Variants in DMD observed in about 807,000 individuals in gnomAD.
The protein encoded by DMD is dystrophin.
A neutral mutation model predicts 330.1 loss-of-function variants in DMD; 63 were observed. The observed-to-expected ratio is 0.19, with a 90% confidence interval of 0.16 to 0.24. The LOEUF (loss-of-function observed/expected upper bound fraction) is 0.24. DMD is among the 10% of genes least tolerant of loss of function. The pLI is 1.00. For missense variants in DMD, 3,344 were observed against 2,684.1 expected (o/e 1.25, Z -5.43); for synonymous variants, 1,223 against 959.8 (o/e 1.27, Z -5.07).
At chrX:31,846,769 T>C (rs761876460) in intron 48 of DMD, among the ~76,000 whole-genome samples, 8 of 111,517 alleles carry the variant, frequency 7.2e-5, no homozygotes, top group African/African-American at 2.6e-4. Flanking sequence ...CCATAAATAG[T>C]TCCAAAAATC....
rs189691483 is a variant in DMD, at chrX:32,681,219, T to A, written c.960+16651A>T. Among the ~76,000 whole-genome samples, 3 of 111,692 alleles carry A rather than the reference T, an allele frequency of 2.7e-5. No homozygotes were observed. In the Admixed American group the frequency reaches 2.9e-4, roughly 11 times the overall value. ...TATCTAAGCCTCGTAAAAAGCTCTG[T>A]TCAAGATGAACTTACTCTATGGAAA... On this transcript the variant is annotated intron_variant, in intron 9 of 78. Coordinates refer to ENST00000357033, the MANE Select transcript of DMD (RefSeq NM_004006.3).
chrX:32,918,502 C>G, intron 2 of DMD, among the ~76,000 whole-genome samples: 1 of 110,823 alleles, frequency 9.0e-6, no homozygotes, highest in East Asian at 2.9e-4. Flanking sequence ...AGGTGCCCAC[C>G]ACCACACACA....
At position 32,212,601 on chromosome X, in the gene DMD, C is replaced by T. The variant is rs1045145253; in HGVS notation, c.6438+4315G>A. On this transcript the variant is annotated intron_variant, in intron 44 of 78. Coordinates refer to ENST00000357033, the MANE Select transcript of DMD (RefSeq NM_004006.3). Reference sequence around the variant, plus strand: ...CTGAGTCCAGCATTTAACCACTTAACCCCCTTTCTAAACTTCTATTAGAGC... The same window carrying T: ...CTGAGTCCAGCATTTAACCACTTAATCCCCTTTCTAAACTTCTATTAGAGC... Among the ~76,000 whole-genome samples, 34 of 111,879 alleles carry T rather than the reference C, an allele frequency of 3.0e-4. No individual in the cohort carries two copies. The Admixed American group carries it at 3.1e-3, about 10-fold the overall frequency.
intron 11 of DMD, among the ~76,000 whole-genome samples, chrX:32,629,231 C>A (rs752982936): frequency 9.0e-6 from 1 of 111,480 alleles, no homozygotes; most frequent in East Asian, 2.8e-4. Context: ...ATTGTTATGT[C>A]CTCTTGCTGA....
intron 1 of DMD, among the ~76,000 whole-genome samples, chrX:33,048,998 C>A (rs1290268659): frequency 1.8e-5 from 2 of 111,482 alleles, no homozygotes; most frequent in Non-Finnish European, 3.8e-5. Flanking sequence ...TATGGACTCA[C>A]TGAACCTCAG....
At chrX:32,663,743 G>A (rs1035578375) in intron 9 of DMD, among the ~76,000 whole-genome samples, 1 of 111,880 alleles carries the variant, frequency 8.9e-6, no homozygotes, top group Admixed American at 9.5e-5. Context: ...ATAGAAGGAT[G>A]TAAGTGTTAT....
At chrX:31,616,388 T>G (rs1402072579) in intron 55 of DMD, among the ~76,000 whole-genome samples, 1 of 111,766 alleles carries the variant, frequency 8.9e-6, no homozygotes, top group African/African-American at 3.3e-5. Context: ...GTAAGCTGGC[T>G]AGCTGTTCAT....
At chrX:32,882,409 C>T (rs1412714141) in intron 2 of DMD, among the ~76,000 whole-genome samples, 2 of 112,259 alleles carry the variant, frequency 1.8e-5, no homozygotes, top group Admixed American at 9.5e-5. Context: ...TGGTTTCTGT[C>T]TGTTAACTGA....
At chrX:31,973,554 C>T (rs2095415017) in intron 44 of DMD, among the ~76,000 whole-genome samples, 1 of 110,764 alleles carries the variant, frequency 9.0e-6, no homozygotes, top group South Asian at 3.8e-4. Flanking sequence ...CCACTGCCTT[C>T]TCGGCTCCGT....
intron 43 of DMD, among the ~76,000 whole-genome samples, chrX:32,233,979 A>G (rs2097178821): frequency 9.0e-6 from 1 of 110,974 alleles, no homozygotes; most frequent in Non-Finnish European, 1.9e-5. Context: ...ATATATATGT[A>G]AGCTATACTT....
intron 17 of DMD, among the ~76,000 whole-genome samples, chrX:32,519,646 C>A (rs1174426710): frequency 8.9e-6 from 1 of 111,789 alleles, no homozygotes; most frequent in Non-Finnish European, 1.9e-5. Context: ...CATTGCAATT[C>A]AATTGACTTA....
chrX:31,717,452 C>T (rs1412731100), intron 52 of DMD, among the ~76,000 whole-genome samples: 1 of 112,091 alleles, frequency 8.9e-6, no homozygotes, highest in Non-Finnish European at 1.9e-5. Flanking sequence ...ACATAACCTG[C>T]TGTCCTAAAA....
intron 1 of DMD, among the ~76,000 whole-genome samples, chrX:33,289,123 T>C (rs771703509): frequency 8.9e-6 from 1 of 111,791 alleles, no homozygotes; most frequent in Non-Finnish European, 1.9e-5. Flanking sequence ...AAAAAAATCT[T>C]CATTTAAGAA....
chrX:32,274,656 C>T (rs143582145), intron 43 of DMD, among the ~76,000 whole-genome samples: 1,236 of 111,954 alleles, frequency 0.011, 50 homozygotes, highest in Admixed American at 0.087. Context: ...TCTTTCACCA[C>T]CTGCTCTTAA....
chrX:32,623,772 C>A (rs1314381375), intron 11 of DMD, among the ~76,000 whole-genome samples: 2 of 111,036 alleles, frequency 1.8e-5, no homozygotes, highest in African/African-American at 6.6e-5. Context: ...AGCTATCCTC[C>A]TGCCTCGACC....
chrX:31,210,784 T>C (rs1206376621), intron 64 of DMD, among the ~76,000 whole-genome samples: 1 of 112,643 alleles, frequency 8.9e-6, no homozygotes, highest in Non-Finnish European at 1.9e-5. Flanking sequence ...CTTAAGGCTT[T>C]AGTATATTTT....
chrX:32,057,398 T>C (rs780299392), intron 44 of DMD, among the ~76,000 whole-genome samples: 1 of 110,966 alleles, frequency 9.0e-6, no homozygotes, highest in South Asian at 3.9e-4. Flanking sequence ...GAGACATGGT[T>C]AGAACCAATA....
intron 30 of DMD, among the ~76,000 whole-genome samples, chrX:32,402,472 T>C (rs2098091522): frequency 9.0e-6 from 1 of 111,100 alleles, no homozygotes; most frequent in Non-Finnish European, 1.9e-5. Flanking sequence ...AACCTGTGTG[T>C]CCATTTTCAT....
chrX:31,126,828 A>G, intron 77 of DMD, 155 bp from the exon 78 acceptor site: 1 of 471,824 alleles, frequency 2.1e-6, no homozygotes, highest in Non-Finnish European at 3.7e-6. Context: ...AAAAAAACAG[A>G]AACAAAAAAC....
Sources: gnomAD v4.1 joint callset for allele counts (sites outside exome capture counted in the v4.1 genomes callset) on GRCh38, gnomAD v4.1.1 for gene constraint, MANE v1.5 for transcripts, NCBI Gene and HGNC (gene_info 2026-07-23, HGNC 2026-07-21) for gene names.